Variants in DLG2 observed in about 807,000 individuals in gnomAD.
DLG2 encodes disks large homolog 2.
Under a neutral mutation model 132.5 loss-of-function variants are expected in DLG2, and 45 were observed. The observed-to-expected ratio is 0.34, with a 90% CI of 0.27 to 0.44. DLG2 has a LOEUF of 0.44. Ranked by LOEUF, DLG2 falls within the 20% of genes least tolerant of loss-of-function variation. The pLI is 1.00. For synonymous variants in DLG2, 424 were observed against 419.6 expected, an observed-to-expected ratio of 1.01 and a Z score of -0.13; for missense variants, 1,045 against 1,196.9, an observed-to-expected ratio of 0.87 and a Z score of 1.87.
chr11:84,762,242 A>T (rs546040451), intron 6 of DLG2: 90 of 152,338 alleles, frequency 5.9e-4, no homozygotes, highest in African/African-American at 2.0e-3. Flanking sequence ...GTCCAAAAGA[A>T]TGCCTCAAAT....
At chr11:84,969,431 T>C (rs140798245) in intron 6 of DLG2, among the ~76,000 whole-genome samples, 13 of 152,288 alleles carry the variant, frequency 8.5e-5, no homozygotes, top group South Asian at 8.3e-4. Flanking sequence ...CTATATCTTC[T>C]AGAACTTTAT....
At chr11:85,172,579 C>T (rs2078953054) in intron 4 of DLG2, among the ~76,000 whole-genome samples, 1 of 152,158 alleles carries the variant, frequency 6.6e-6, no homozygotes, top group South Asian at 2.1e-4. Flanking sequence ...GACTGCAATA[C>T]CTCTCCTGCA....
chr11:85,540,380 A>G (rs2075886223), intron 3 of DLG2, among the ~76,000 whole-genome samples: 2 of 152,182 alleles, frequency 1.3e-5, no homozygotes, highest in African/African-American at 4.8e-5. Flanking sequence ...ACACCAGCAG[A>G]TGCTGACAGG....
chr11:83,961,619 A>G (rs1328375589), intron 14 of DLG2, among the ~76,000 whole-genome samples: 1 of 152,042 alleles, frequency 6.6e-6, no homozygotes, highest in African/African-American at 2.4e-5. Flanking sequence ...GGTCTGGATT[A>G]TGAAGGGGCT....
At chr11:84,432,356 A>G (rs564502157) in intron 7 of DLG2, among the ~76,000 whole-genome samples, 2 of 152,340 alleles carry the variant, frequency 1.3e-5, no homozygotes, top group African/African-American at 4.8e-5. Flanking sequence ...CAGAGAGGAA[A>G]GCAGAGGCCA....
intron 11 of DLG2, among the ~76,000 whole-genome samples, chr11:84,008,753 T>G (rs952115723): frequency 2.0e-5 from 3 of 151,790 alleles, no homozygotes; most frequent in Admixed American, 6.6e-5. Context: ...TAAAACAAAT[T>G]TGATCCTTTG....
chr11:84,901,875 T>C lies in DLG2; in HGVS notation c.357+209786A>G, dbSNP rs1238307. Among the ~76,000 whole-genome samples the C allele has an allele frequency of 0.013, 1,972 of 152,126 alleles. 102 individuals are homozygous for C. In the East Asian group the frequency reaches 0.14, roughly 11 times the overall value. ...ATTGTACCACACAGTTTACTAAACA[T>C]TTTCTTAGTGTTGAATTAAGGGGGG... On this transcript the variant is annotated intron_variant, in intron 6 of 27. Transcript: ENST00000376104.
At chr11:85,591,467 G>A (rs1283941386) in intron 3 of DLG2, among the ~76,000 whole-genome samples, 1 of 152,178 alleles carries the variant, frequency 6.6e-6, no homozygotes, top group African/African-American at 2.4e-5. Flanking sequence ...TCGACCAGGT[G>A]TGGTGGCTCA....
At chr11:84,005,705 A>T (rs1053214984) in intron 11 of DLG2, among the ~76,000 whole-genome samples, 1 of 151,940 alleles carries the variant, frequency 6.6e-6, no homozygotes, top group African/African-American at 2.4e-5. Flanking sequence ...TCAAAAGATG[A>T]CATTCAAATA....
chr11:84,093,836 A>G (rs2097130453), intron 10 of DLG2, among the ~76,000 whole-genome samples: 1 of 151,864 alleles, frequency 6.6e-6, no homozygotes, highest in South Asian at 2.1e-4. Context: ...GCTGGTTTTG[A>G]ACTCTTGATC....
At chr11:85,584,069 T>G (rs1027092259) in intron 3 of DLG2, among the ~76,000 whole-genome samples, 4 of 152,094 alleles carry the variant, frequency 2.6e-5, no homozygotes, top group African/African-American at 9.7e-5. Flanking sequence ...GGAAAAGTAA[T>G]TTAGTGGTGA....
chr11:84,545,151 A>T (rs1416097644), intron 6 of DLG2: 2 of 455,734 alleles, frequency 4.4e-6, no homozygotes, highest in African/African-American at 2.0e-5. Flanking sequence ...TGCCACTGCC[A>T]TGGCTAATGC....
intron 7 of DLG2, chr11:84,317,145 T>G: frequency 1.2e-6 from 2 of 1,609,450 alleles, no homozygotes; most frequent in Admixed American, 1.7e-5. Context: ...TATGCATTCA[T>G]ACTGCACTGA....
chr11:83,986,649 T>G (rs1592418822), intron 11 of DLG2, among the ~76,000 whole-genome samples: 2 of 152,114 alleles, frequency 1.3e-5, no homozygotes, highest in African/African-American at 4.8e-5. Context: ...ACTTCCACAA[T>G]GGTTGAACTA....
chr11:84,839,022 G>A (rs2080217993), intron 6 of DLG2, among the ~76,000 whole-genome samples: 1 of 152,012 alleles, frequency 6.6e-6, no homozygotes, highest in Admixed American at 6.6e-5. Flanking sequence ...GAAATACAGG[G>A]TATTCAATTA....
chr11:84,699,680 C>T (rs944515881), intron 6 of DLG2, among the ~76,000 whole-genome samples: 12 of 151,648 alleles, frequency 7.9e-5, no homozygotes, highest in Non-Finnish European at 1.3e-4. Flanking sequence ...TGACTATCTT[C>T]GTCTCCCTCG....
intron 15 of DLG2, among the ~76,000 whole-genome samples, chr11:83,884,973 T>C (rs528957789): frequency 1.4e-4 from 21 of 151,998 alleles, no homozygotes; most frequent in Non-Finnish European, 2.4e-4. Context: ...AGACCAAAAG[T>C]AGATAAAACC....
intron 6 of DLG2, among the ~76,000 whole-genome samples, chr11:84,607,883 C>A (rs2099588544): frequency 6.6e-6 from 1 of 152,142 alleles, no homozygotes; most frequent in Non-Finnish European, 1.5e-5. Flanking sequence ...CTCATCCCAA[C>A]ATCCTTTGTC....
chr11:84,831,168 A>G (rs969930387), intron 6 of DLG2, among the ~76,000 whole-genome samples: 2 of 151,488 alleles, frequency 1.3e-5, no homozygotes, highest in Non-Finnish European at 3.0e-5. Flanking sequence ...TTTCAACTCT[A>G]TAGTGGCTGA....
Sources: allele counts gnomAD v4.1 joint callset (sites outside exome capture counted in the v4.1 genomes callset), GRCh38; gene constraint gnomAD v4.1.1; transcripts MANE v1.5; gene names NCBI Gene and HGNC (gene_info 2026-07-23, HGNC 2026-07-21).